Variants in NPHP4 observed in about 807,000 individuals in gnomAD.
NPHP4 encodes the protein nephrocystin-4.
NPHP4 carries 151 observed loss-of-function variants against 155.8 expected under a neutral mutation model. The ratio of observed to expected loss-of-function variants is 0.97; its 90% CI spans 0.85 to 1.11. The LOEUF is 1.11. Among genes scored for constraint, NPHP4 ranks in the 50% least tolerant of loss-of-function variants. The probability of loss-of-function intolerance (pLI) is 0.00; values close to 1 mark genes in which losing one functional copy is unlikely to be tolerated. For missense variants in NPHP4, 1,956 were observed against 1,925.7 expected, an observed-to-expected ratio of 1.02 and a Z score of -0.29; for synonymous variants, 845 against 816.8, an observed-to-expected ratio of 1.03 and a Z score of -0.59.
chr1:5,902,013 T>C (rs999979566), intron 16 of NPHP4, among the ~76,000 whole-genome samples: 1 of 151,948 alleles, frequency 6.6e-6, no homozygotes, highest in African/African-American at 2.4e-5. Flanking sequence ...GGCCAGTGAG[T>C]TGAGAAAACC....
At chr1:5,947,308 G>C (rs1647157989) in intron 8 of NPHP4, 78 bp from the exon 9 acceptor site, 1 of 1,530,594 alleles carries the variant, frequency 6.5e-7, no homozygotes, top group Non-Finnish European at 9.0e-7. Context: ...ACCACTGTCA[G>C]AACAGTCAAG....
At chr1:5,954,397 C>T (rs928395686) in intron 6 of NPHP4, among the ~76,000 whole-genome samples, 17 of 152,200 alleles carry the variant, frequency 1.1e-4, no homozygotes, top group African/African-American at 2.9e-4. Context: ...TATTTAAAAG[C>T]ATGTGCACTT....
chr1:5,901,810 G>A (rs2134551), intron 16 of NPHP4, among the ~76,000 whole-genome samples: 126,101 of 152,138 alleles, frequency 0.83, 52,388 homozygotes, highest in African/African-American at 0.91. Flanking sequence ...AAATGCATTA[G>A]TCTGATCCAT....
intron 2 of NPHP4, among the ~76,000 whole-genome samples, chr1:5,982,641 C>T (rs529856123): frequency 1.3e-5 from 2 of 152,310 alleles, no homozygotes; most frequent in Admixed American, 6.5e-5. Context: ...AGGAAACAGA[C>T]GTCACTGATT....
In NPHP4 at chr1:5,876,916, A is replaced by G. The variant is rs916219151; in HGVS notation, c.2817+177T>C. ...CTGGCTTTTATTAAAAGCTCTCCAG[A>G]TAATTCTCACTTAAAGATTTCCCCC... On this transcript the variant is annotated intron_variant, in intron 20 of 29. Coordinates refer to ENST00000378156, the MANE Select transcript of NPHP4 (RefSeq NM_015102.5). The G allele has an allele frequency of 1.6e-5, 7 of 437,236 alleles. No homozygotes were observed. The East Asian group carries it at 2.1e-4, about 13-fold the overall frequency. 27.1% of individuals were successfully genotyped at this position (437,236 alleles called of 1,614,324 possible).
At chr1:5,941,289 CAAAAAAAAAAAAAAAA>C (rs66676950) in intron 9 of NPHP4, among the ~76,000 whole-genome samples, 2 of 44,778 alleles carry the variant, frequency 4.5e-5, no homozygotes, top group African/African-American at 2.0e-4. Flanking sequence ...GAGATCTAGA[CAAAAAAAAAAAAAAAA>C]AAAAAAAAAG....
intron 7 of NPHP4, among the ~76,000 whole-genome samples, chr1:5,951,598 C>T (rs1020751838): frequency 6.6e-6 from 1 of 152,248 alleles, no homozygotes. Context: ...CAATCTCCGT[C>T]CCACATGCCT....
At chr1:5,970,608 GGTGCT>G (rs769527387) in intron 3 of NPHP4, among the ~76,000 whole-genome samples, 34 of 152,062 alleles carry the variant, frequency 2.2e-4, no homozygotes, top group Non-Finnish European at 4.1e-4. Flanking sequence ...CATCAGGAGT[GGTGCT>G]GAGCCCATAC....
rs114502794 is a variant in NPHP4, at chr1:5,989,050, G to C, written c.-38-2723C>G. ...CCTGACCCAATTCCATGTATGGGGA[G>C]AGCTGCTCCCCGATTCCAGCCAGAG... On this transcript the variant is annotated intron_variant, in intron 1 of 29. Coordinates refer to ENST00000378156, the MANE Select transcript of NPHP4 (RefSeq NM_015102.5). 3.0e-3 allele frequency among the ~76,000 whole-genome samples: 451 copies of C among 152,248 alleles called. 3 individuals carry two copies. The highest frequency in any genetic ancestry group is 0.01 in the African/African-American group (425 of 41,540).
At chr1:5,962,780 G>A (rs998910264) in intron 5 of NPHP4, among the ~76,000 whole-genome samples, 8 of 152,246 alleles carry the variant, frequency 5.3e-5, no homozygotes, top group Non-Finnish European at 8.8e-5. Context: ...GGAGGAGTGC[G>A]GCTACACCGC....
intron 2 of NPHP4, 91 bp from the exon 3 acceptor site, chr1:5,978,504 CT>C: frequency 8.1e-7 from 1 of 1,236,804 alleles, no homozygotes. Context: ...ATGGGGCCAC[CT>C]CGCTCAGATA....
intron 16 of NPHP4, among the ~76,000 whole-genome samples, chr1:5,897,143 A>G (rs1216308334): frequency 6.6e-6 from 1 of 152,230 alleles, no homozygotes; most frequent in East Asian, 1.9e-4. Flanking sequence ...TTAACAAAGA[A>G]TGTGAGCTAA....
intron 11 of NPHP4, among the ~76,000 whole-genome samples, chr1:5,917,926 G>A (rs1645556683): frequency 6.6e-6 from 1 of 152,178 alleles, no homozygotes; most frequent in Admixed American, 6.5e-5. Flanking sequence ...CTTCCTACTG[G>A]CGCAACCCAG....
Position 5,867,096 on chromosome 1 carries a change from A to G in NPHP4, c.3492T>C (p.Leu1164=), listed in dbSNP as rs750516114. Residue 1164 remains leucine (L), a synonymous_variant, in exon 25 of 30, where the codon CTT becomes CTC. Transcript: ENST00000378156. The surrounding 1 kb of genome is among the most constrained non-coding windows in gnomAD (Gnocchi z 4.1). The stretch of plus-strand genomic sequence containing the variant: ...GAACATGGACTGGGGGGTCCTCACC[A>G]AGCATTCCCACCGGAGCACCTGGAG... ...HTFPGAPVGM[L]GEDPPVHVRC... is the part of the protein sequence containing the mutation. 6.2e-7 allele frequency: 1 copy of G among 1,612,588 alleles called. No homozygotes were observed. Among genetic ancestry groups the G allele is most frequent in the East Asian group, 2.2e-5 (1 of 44,814 alleles).
At position 5,867,289 on chromosome 1, in the gene NPHP4, T is replaced by G; in HGVS notation, c.3473-174A>C. On this transcript the variant is annotated intron_variant, in intron 24 of 29. Transcript: ENST00000378156. This position sits in a 1 kb window ranked among gnomAD's most constrained non-coding sequence, Gnocchi z 4.1. ...CCCAGGACAGCATCCAAGCACTGTG[T>G]TCCCTGCATGGACACCGCCCATCCA... 1.7e-6 allele frequency: 1 copy of G among 593,750 alleles called. No individual in the cohort carries two copies. The highest frequency in any genetic ancestry group is 2.9e-5 in the Admixed American group (1 of 34,706). The allele number at this position is 593,750 out of a possible 1,614,324, so 36.8% of individuals were successfully genotyped here.
rs562717207 is a variant in NPHP4, at chr1:5,880,455, C to T, written c.2486-216G>A. 342 of 537,108 alleles carry T rather than the reference C, an allele frequency of 6.4e-4. 2 individuals carry two copies. Among genetic ancestry groups the T allele is most frequent in the Non-Finnish European group, 1.0e-3 (305 of 298,812 alleles). The allele number at this position is 537,108 out of a possible 1,614,324, so 33.3% of individuals were successfully genotyped here. On this transcript the variant is annotated intron_variant, in intron 18 of 29. Coordinates refer to ENST00000378156, the MANE Select transcript of NPHP4 (RefSeq NM_015102.5). ...TTCAGCTAGGTCTTCATTCTCCTGCCGTGTCAGTGGCAGCCTCCGTTTCCT... is the reference window on the plus strand; with the variant it reads ...TTCAGCTAGGTCTTCATTCTCCTGCTGTGTCAGTGGCAGCCTCCGTTTCCT...
In NPHP4 at chr1:5,905,414, A is replaced by G. The variant is rs1644866301; in HGVS notation, c.1833T>C (p.Asp611=). Residue 611 remains aspartate, a synonymous_variant, in exon 15 of 30, where the codon GAT becomes GAC. Coordinates refer to ENST00000378156, the MANE Select transcript of NPHP4 (RefSeq NM_015102.5). This position sits in a 1 kb window ranked among gnomAD's most constrained non-coding sequence, Gnocchi z 4.0. ...LQSSGFPEIL[D]ANKQPAEAVS... is the part of the protein sequence containing the mutation. ...CAGCCTCGGCTGGCTGTTTATTGGC[A>G]TCCAGAATCTCGGGAAAGCCGGAGG... The G allele has an allele frequency of 1.2e-6, 2 of 1,612,802 alleles. No individual in the cohort carries two copies. The highest frequency in any genetic ancestry group is 1.7e-6 in the Non-Finnish European group (2 of 1,178,982).
At chr1:5,902,368 C>T (rs1054247807) in intron 16 of NPHP4, among the ~76,000 whole-genome samples, 9 of 152,214 alleles carry the variant, frequency 5.9e-5, no homozygotes, top group African/African-American at 2.2e-4. Flanking sequence ...GGGCTGGCGC[C>T]AGTGGGCACA....
intron 9 of NPHP4, among the ~76,000 whole-genome samples, chr1:5,945,520 G>C (rs116321485): frequency 2.5e-3 from 374 of 152,284 alleles, no homozygotes; most frequent in African/African-American, 8.4e-3. Flanking sequence ...ATAGGGACCG[G>C]AGGCATGGAC....
Sources: gnomAD v4.1 joint callset for allele counts (sites outside exome capture counted in the v4.1 genomes callset) on GRCh38, gnomAD v4.1.1 for gene constraint, Gnocchi (gnomAD v3.1) non-coding constraint, MANE v1.5 for transcripts, NCBI Gene and HGNC (gene_info 2026-07-23, HGNC 2026-07-21) for gene names.